The following EHMT1 variants were observed in gnomAD, a reference collection of about 807,000 sequenced individuals.
EHMT1 encodes the protein euchromatic histone lysine methyltransferase 1, also known as histone-lysine N-methyltransferase EHMT1.
Under a neutral mutation model 147.2 loss-of-function variants are expected in EHMT1, and 15 were observed. That is an observed-to-expected ratio of 0.10 (90% CI 0.07 to 0.16). EHMT1 has a LOEUF of 0.16. Ranked by LOEUF, EHMT1 falls within the 10% of genes least tolerant of loss-of-function variation. EHMT1 has a pLI of 1.00. For missense variants in EHMT1, 1,587 were observed against 1,772.4 expected (o/e 0.90, Z 1.88); for synonymous variants, 795 against 709.6 (o/e 1.12, Z -1.91).
At chr9:137,700,386 A>G (rs1943735666) in intron 1 of EHMT1, among the ~76,000 whole-genome samples, 1 of 152,224 alleles carries the variant, frequency 6.6e-6, no homozygotes, top group Non-Finnish European at 1.5e-5. Context: ...GAACCCACCA[A>G]TTAACATTTA....
At chr9:137,751,316 G>A (rs1301974399) in intron 6 of EHMT1, among the ~76,000 whole-genome samples, 2 of 152,182 alleles carry the variant, frequency 1.3e-5, no homozygotes. Flanking sequence ...TATCAGAAAT[G>A]GAGCTTTAAA....
At chr9:137,748,302 G>A (rs770213270) in intron 6 of EHMT1, among the ~76,000 whole-genome samples, 3 of 152,174 alleles carry the variant, frequency 2.0e-5, no homozygotes, top group East Asian at 3.8e-4. Context: ...ATTAACAAAC[G>A]TTCTTTATGG....
intron 25 of EHMT1, among the ~76,000 whole-genome samples, chr9:137,831,263 T>G (rs1225626440): frequency 6.6e-6 from 1 of 152,162 alleles, no homozygotes; most frequent in East Asian, 1.9e-4. Flanking sequence ...TCAAGTAGAT[T>G]TCTTATTCCT....
At chr9:137,762,923 C>T in intron 10 of EHMT1, 103 bp downstream of exon 10, 4 of 1,508,696 alleles carry the variant, frequency 2.7e-6, no homozygotes, top group Non-Finnish European at 3.6e-6. Flanking sequence ...TGCTGCGTGA[C>T]CAGGGCGGGA....
chr9:137,651,841 C>T (rs189164908), intron 1 of EHMT1, among the ~76,000 whole-genome samples: 4 of 152,128 alleles, frequency 2.6e-5, no homozygotes, highest in Admixed American at 2.6e-4. Context: ...TTCCTATTGC[C>T]CAGGACATGC....
intron 1 of EHMT1, among the ~76,000 whole-genome samples, chr9:137,629,719 G>A (rs556620456): frequency 2.0e-5 from 3 of 151,632 alleles, no homozygotes; most frequent in African/African-American, 4.8e-5. Flanking sequence ...TAGTAGAAAC[G>A]GGGTTTCACC....
At chr9:137,626,151 G>C (rs1252368062) in intron 1 of EHMT1, among the ~76,000 whole-genome samples, 1 of 151,474 alleles carries the variant, frequency 6.6e-6, no homozygotes, top group East Asian at 1.9e-4. Context: ...ACAGGCGTGA[G>C]CCACCACGCC....
intron 1 of EHMT1, among the ~76,000 whole-genome samples, chr9:137,624,280 C>A (rs114962826): frequency 5.3e-5 from 8 of 150,850 alleles, no homozygotes; most frequent in Non-Finnish European, 1.2e-4. Context: ...GGATTACAGG[C>A]CAGGCATTAG....
chr9:137,666,923 G>C (rs1025805908), intron 1 of EHMT1: 6 of 152,176 alleles, frequency 3.9e-5, no homozygotes, highest in Non-Finnish European at 1.5e-5. Context: ...TAAATAACAG[G>C]ATTAGAGCAG....
At chr9:137,703,778 C>A (rs768951002) in intron 1 of EHMT1, among the ~76,000 whole-genome samples, 17 of 152,242 alleles carry the variant, frequency 1.1e-4, no homozygotes, top group Middle Eastern at 3.4e-3. Flanking sequence ...CAAACTTCGG[C>A]CCATTACCCA....
intron 25 of EHMT1, chr9:137,834,122 C>T (rs1038663189): frequency 4.9e-6 from 3 of 612,950 alleles, no homozygotes; most frequent in African/African-American, 3.7e-5. Flanking sequence ...CCACCACAGA[C>T]GGAGGCCCAG....
intron 1 of EHMT1, among the ~76,000 whole-genome samples, chr9:137,626,127 A>G (rs1843240316): frequency 6.6e-6 from 1 of 151,220 alleles, no homozygotes; most frequent in East Asian, 1.9e-4. Context: ...TTGGCCTCCC[A>G]AAGTGCTGAG....
chr9:137,834,111 C>T, intron 25 of EHMT1: 1 of 599,950 alleles, frequency 1.7e-6, no homozygotes, highest in East Asian at 2.8e-5. Flanking sequence ...CCACCCCCAC[C>T]CCACCACAGA....
intron 15 of EHMT1, chr9:137,788,637 T>G (rs1257557003): frequency 6.6e-6 from 1 of 152,272 alleles, no homozygotes; most frequent in Non-Finnish European, 1.5e-5. Context: ...CCTCGGGGAC[T>G]GGGAGAGCGA....
At chr9:137,808,189 T>G (rs1026416792) in intron 18 of EHMT1, among the ~76,000 whole-genome samples, 1 of 152,080 alleles carries the variant, frequency 6.6e-6, no homozygotes, top group Non-Finnish European at 1.5e-5. Context: ...CGGCTTTGAG[T>G]GCACATTCTC....
chr9:137,719,227 T>A (rs538694784), intron 3 of EHMT1, among the ~76,000 whole-genome samples: 1 of 152,308 alleles, frequency 6.6e-6, no homozygotes, highest in Non-Finnish European at 1.5e-5. Context: ...ATTTAGCTTT[T>A]TCCCCCACCA....
At chr9:137,831,808 TTTC>T (rs1231127586) in intron 25 of EHMT1, among the ~76,000 whole-genome samples, 2 of 152,238 alleles carry the variant, frequency 1.3e-5, no homozygotes, top group East Asian at 3.8e-4. Flanking sequence ...AGGACTCTGG[TTTC>T]TCTTCTGCGT....
intron 1 of EHMT1, among the ~76,000 whole-genome samples, chr9:137,631,322 G>A (rs1178623338): frequency 6.6e-6 from 1 of 151,870 alleles, no homozygotes; most frequent in African/African-American, 2.4e-5. Context: ...AACCCGGGAG[G>A]TGGAGGTTGC....
At chr9:137,664,288 CTTTT>C (rs796427218) in intron 1 of EHMT1, among the ~76,000 whole-genome samples, 4 of 142,236 alleles carry the variant, frequency 2.8e-5, no homozygotes, top group Non-Finnish European at 4.6e-5. Flanking sequence ...TTTAGCCATA[CTTTT>C]TTTTTTTTTT....
Sources: gnomAD v4.1 joint callset for allele counts (sites outside exome capture counted in the v4.1 genomes callset) on GRCh38, gnomAD v4.1.1 for gene constraint, MANE v1.5 for transcripts, NCBI Gene and HGNC (gene_info 2026-07-23, HGNC 2026-07-21) for gene names.